ECT2: variants seen among roughly 807,000 people sequenced by gnomAD.
ECT2 encodes epithelial cell transforming 2.
Under a neutral mutation model 116.9 loss-of-function variants are expected in ECT2, and 61 were observed. The observed-to-expected ratio is 0.52, with a 90% CI of 0.42 to 0.65. The LOEUF (loss-of-function observed/expected upper bound fraction) is 0.65, where lower values mean the gene tolerates loss of function less well. ECT2 is among the 30% of genes least tolerant of loss of function. The probability of loss-of-function intolerance (pLI) is 0.00; values close to 1 mark genes in which losing one functional copy is unlikely to be tolerated. For synonymous variants in ECT2, 358 were observed against 346.4 expected (o/e 1.03, Z -0.37); for missense variants, 937 against 1,078.7 (o/e 0.87, Z 1.84).
chr3:172,781,561 C>T (rs543245353), intron 14 of ECT2, among the ~76,000 whole-genome samples: 1 of 152,228 alleles, frequency 6.6e-6, no homozygotes, highest in South Asian at 2.1e-4. Context: ...ATTTTATCAT[C>T]TGATTTGTTT....
At chr3:172,829,060 T>G in the ECT2 span, 1 of 720,588 alleles carries the variant, frequency 1.4e-6, no homozygotes, top group Admixed American at 1.8e-5. Flanking sequence ...GGAAGGCTGT[T>G]TAGATGAACT....
chr3:172,763,937 C>T (rs1370856011), intron 11 of ECT2, among the ~76,000 whole-genome samples: 1 of 152,158 alleles, frequency 6.6e-6, no homozygotes, highest in Non-Finnish European at 1.5e-5. Flanking sequence ...AGCATTGTGT[C>T]CAGGCACTGT....
chr3:172,807,602 A>C, intron 21 of ECT2, 168 bp from the exon 22 acceptor site: 1 of 687,286 alleles, frequency 1.5e-6, no homozygotes, highest in Non-Finnish European at 2.3e-6. Context: ...TCAGTACTTC[A>C]ACTTAATATG....
rs767483120 is a variant in ECT2, at chr3:172,816,746, T to C, written c.2564T>C (p.Leu855Pro). Residue 855 changes from leucine to proline, a missense_variant, in exon 24 of 25, where the codon CTT becomes CCT. Coordinates refer to ENST00000392692, the MANE Select transcript of ECT2 (RefSeq NM_001258315.2). Reference protein sequence around the residue: ...KTPKRALRRALMTSHGSVEGR... With the variant: ...KTPKRALRRAPMTSHGSVEGR... ...CCAAAAAGAGCTCTTCGAAGGGCTC[T>C]TATGACATCCCACGGCTCAGTGGAG... The C allele has an allele frequency of 3.1e-6, 5 of 1,610,948 alleles. No homozygotes were observed. In the African/African-American group the frequency reaches 5.3e-5, roughly 17 times the overall value.
At chr3:172,793,503 G>T (rs753048858) in intron 18 of ECT2, among the ~76,000 whole-genome samples, 1 of 148,118 alleles carries the variant, frequency 6.8e-6, no homozygotes, top group Non-Finnish European at 1.5e-5. Context: ...TTACTCTGTT[G>T]CCCAGACTGG....
chr3:172,807,685 A>G, intron 21 of ECT2, 85 bp from the exon 22 acceptor site: 4 of 1,424,438 alleles, frequency 2.8e-6, no homozygotes, highest in Non-Finnish European at 2.8e-6. Flanking sequence ...TTGGAATTTC[A>G]TTGCTCTGAG....
At chr3:172,761,742 A>G (rs1718344823) in intron 8 of ECT2, 59 bp downstream of exon 8, 1 of 1,244,132 alleles carries the variant, frequency 8.0e-7, no homozygotes, top group Non-Finnish European at 1.1e-6. Context: ...GTTTAAAGAT[A>G]AATCCATGTG....
intron 13 of ECT2, among the ~76,000 whole-genome samples, chr3:172,772,137 A>C (rs139221214): frequency 0.01 from 1,532 of 152,092 alleles, 32 homozygotes; most frequent in African/African-American, 0.035. Flanking sequence ...AGCACTTGGG[A>C]CTACAGGCAT....
chr3:172,793,159 T>G lies in ECT2; in HGVS notation c.1907+6585T>G, dbSNP rs1724980887. ...TATGGTCAGTGATTTCATTTTTTAT[T>G]TATTTTTATTTATTTATTTATTTTT... On this transcript the variant is annotated intron_variant, in intron 18 of 24. Coordinates refer to ENST00000392692, the MANE Select transcript of ECT2 (RefSeq NM_001258315.2). Among the ~76,000 whole-genome samples, 2 of 152,164 alleles carry G rather than the reference T, an allele frequency of 1.3e-5. 1 individual carries two copies. Among genetic ancestry groups the G allele is most frequent in the South Asian group, 4.1e-4 (2 of 4,832 alleles).
intron 18 of ECT2, among the ~76,000 whole-genome samples, chr3:172,789,027 T>C (rs1371112632): frequency 1.4e-5 from 2 of 139,636 alleles, no homozygotes; most frequent in African/African-American, 5.3e-5. Context: ...CATTGCACTC[T>C]ATCCTGGATG....
intron 13 of ECT2, among the ~76,000 whole-genome samples, chr3:172,773,396 TGTTA>T (rs1249924413): frequency 1.3e-5 from 2 of 152,096 alleles, no homozygotes. Context: ...CCAAACTCAT[TGTTA>T]GTTCTTAGTT....
At chr3:172,825,958 A>G (rs1241721538), downstream of ECT2, among the ~76,000 whole-genome samples, 1 of 152,158 alleles carries the variant, frequency 6.6e-6, no homozygotes, top group African/African-American at 2.4e-5. Flanking sequence ...CAATGGCGCG[A>G]TCTCGGCTCA....
chr3:172,805,766 T>A lies in ECT2; in HGVS notation c.2142T>A (p.Phe714Leu). 2.5e-6 allele frequency: 4 copies of A among 1,613,880 alleles called. No individual in the cohort carries two copies. The highest frequency in any genetic ancestry group is 3.4e-6 in the Non-Finnish European group (4 of 1,179,866). The change falls in exon 21 of 25, where the codon TTT becomes TTA. Residue 714 changes from phenylalanine (F) to leucine (L), a missense_variant. Phe to Leu is a conservative substitution (Grantham distance 22). Transcript: ENST00000392692. ...AACGGCACAAGGTTATTGGCACTTT[T>A]AGGAGTCCTCATGGCCAAACCCGAC... ...ARKRHKVIGT[F>L]RSPHGQTRPP... is the part of the protein sequence containing the mutation.
intron 21 of ECT2, among the ~76,000 whole-genome samples, chr3:172,807,305 G>GT (rs1727944563): frequency 6.6e-6 from 1 of 151,888 alleles, no homozygotes; most frequent in African/African-American, 2.4e-5. Flanking sequence ...GTTTTCTACT[G>GT]TTTTTTTCTA....
chr3:172,774,400 T>C (rs899424097), intron 14 of ECT2, among the ~76,000 whole-genome samples: 2 of 152,134 alleles, frequency 1.3e-5, no homozygotes, highest in Non-Finnish European at 2.9e-5. Flanking sequence ...GGTTTTGTCA[T>C]GCTGCCCAGG....
intron 18 of ECT2, among the ~76,000 whole-genome samples, chr3:172,801,153 T>A (rs531233355): frequency 5.3e-5 from 8 of 152,212 alleles, no homozygotes; most frequent in Admixed American, 1.3e-4. Flanking sequence ...TTCCTGTCAT[T>A]GCATGCCTGG....
In ECT2 at chr3:172,761,755, G is replaced by GA; in HGVS notation, c.758+78dup. ...TGGTTTAAAGATAAATCCATGTGCT[G>GA]AAAAAAGTAATTTCATAGATATAAA... On this transcript the variant is annotated intron_variant, in intron 8 of 24. Coordinates refer to ENST00000392692, the MANE Select transcript of ECT2 (RefSeq NM_001258315.2). 4 of 1,076,788 alleles carry GA rather than the reference G, an allele frequency of 3.7e-6. No homozygotes were observed. In the Admixed American group the frequency reaches 9.0e-5, roughly 24 times the overall value. The allele number at this position is 1,076,788 out of a possible 1,614,324, so 66.7% of individuals were successfully genotyped here.
At chr3:172,799,903 A>T (rs891923848) in intron 18 of ECT2, among the ~76,000 whole-genome samples, 6 of 152,144 alleles carry the variant, frequency 3.9e-5, no homozygotes, top group African/African-American at 1.4e-4. Context: ...ACAAGATGGA[A>T]CTCAGTGCTG....
chr3:172,762,933 G>A lies in ECT2; in HGVS notation c.1029G>A (p.Met343Ile). 6.2e-7 allele frequency: 1 copy of A among 1,613,838 alleles called. No individual in the cohort carries two copies. Among genetic ancestry groups the A allele is most frequent in the Admixed American group, 1.7e-5 (1 of 60,014 alleles). The change falls in exon 11 of 25, where the codon ATG (methionine) becomes ATA (isoleucine). Residue 343 changes from methionine (M) to isoleucine (I), a missense_variant. Transcript: ENST00000392692. ...KQEWFWGSIQMDARAGETMYL... is the reference protein window; with the variant it reads ...KQEWFWGSIQIDARAGETMYL... Reference sequence around the variant, plus strand: ...AGTGGTTCTGGGGAAGCATTCAAATGGATGCCCGAGCTGGAGAAACTATGT... The same window carrying A: ...AGTGGTTCTGGGGAAGCATTCAAATAGATGCCCGAGCTGGAGAAACTATGT...
Sources: gnomAD v4.1 joint callset for allele counts (sites outside exome capture counted in the v4.1 genomes callset) on GRCh38, gnomAD v4.1.1 for gene constraint, MANE v1.5 for transcripts, NCBI Gene and HGNC (gene_info 2026-07-23, HGNC 2026-07-21) for gene names.